The following UPP2 variants were observed in gnomAD, a reference collection of about 807,000 sequenced individuals.
UPP2 encodes UPase 2.
UPP2 carries 23 observed loss-of-function variants against 26.7 expected under a neutral mutation model. That is an observed-to-expected ratio of 0.86 (90% CI 0.62 to 1.22). UPP2 has a LOEUF of 1.22. UPP2 is among the 50% of genes most tolerant of loss of function. UPP2 has a pLI of 0.00. For synonymous variants in UPP2, 127 were observed against 141.3 expected (o/e 0.90, Z 0.72); for missense variants, 387 against 396.7 (o/e 0.98, Z 0.21).
At chr2:158,013,590 C>A (rs1683613185) in intron 2 of UPP2, among the ~76,000 whole-genome samples, 2 of 152,144 alleles carry the variant, frequency 1.3e-5, no homozygotes, top group Non-Finnish European at 2.9e-5. Flanking sequence ...GGTTGGGAAG[C>A]CAGCAGTGTA....
rs10209457 is a variant in UPP2, at chr2:158,032,716, T to C, written c.147+16830T>C. Among the ~76,000 whole-genome samples, 663 of 152,276 alleles carry C rather than the reference T, an allele frequency of 4.4e-3. 8 individuals are homozygous for C. The highest frequency in any genetic ancestry group is 0.015 in the African/African-American group (628 of 41,540). ...TGGGACAGAGGAGGATTTGTGAGGA[T>C]ACAGATCATAAAATTAGAGAGCACT... On this transcript the variant is annotated intron_variant, in intron 3 of 9. Coordinates refer to the UPP2 transcript ENST00000605860.
chr2:158,023,832 G>A (rs1683793659), intron 3 of UPP2, among the ~76,000 whole-genome samples: 1 of 152,170 alleles, frequency 6.6e-6, no homozygotes, highest in Non-Finnish European at 1.5e-5. Flanking sequence ...CTGTGGTGGA[G>A]CCTCCTATGT....
At chr2:158,071,161 G>A (rs1294649464) in intron 3 of UPP2, among the ~76,000 whole-genome samples, 1 of 152,158 alleles carries the variant, frequency 6.6e-6, no homozygotes, top group Non-Finnish European at 1.5e-5. Context: ...AGAGCCAGTG[G>A]ACTAGGGCGG....
At chr2:158,100,791 G>A (rs1016004931), upstream of UPP2, among the ~76,000 whole-genome samples, 1 of 152,180 alleles carries the variant, frequency 6.6e-6, no homozygotes, top group African/African-American at 2.4e-5. Flanking sequence ...CTAGTTGGTG[G>A]TAACAGTGGC....
chr2:158,027,392 A>G (rs1479095111), intron 3 of UPP2, among the ~76,000 whole-genome samples: 1 of 152,190 alleles, frequency 6.6e-6, no homozygotes, highest in East Asian at 1.9e-4. Flanking sequence ...CGGGGCAGTC[A>G]AATTTTAAAG....
Position 158,082,849 on chromosome 2 carries a change from A to C in UPP2, c.148-19191A>C, listed in dbSNP as rs192688079. ...AATATCCAGAATCTACAAGGAACTT[A>C]AACAAATTTACAGGGAAAAAACAAC... is the stretch of plus-strand genomic sequence containing the variant. On this transcript the variant is annotated intron_variant, in intron 3 of 9. Transcript: ENST00000605860. Among the ~76,000 whole-genome samples the C allele has an allele frequency of 5.9e-5, 9 of 152,352 alleles. No individual in the cohort carries two copies. In the East Asian group the frequency reaches 1.7e-3, roughly 29 times the overall value.
chr2:158,122,024 T>C (rs547157666), intron 5 of UPP2, among the ~76,000 whole-genome samples: 1 of 152,046 alleles, frequency 6.6e-6, no homozygotes, highest in African/African-American at 2.4e-5. Context: ...GGAGAAATGC[T>C]TGGGGAGGGG....
intron 3 of UPP2, among the ~76,000 whole-genome samples, chr2:158,030,812 G>C (rs1558908682): frequency 6.6e-6 from 1 of 152,180 alleles, no homozygotes; most frequent in Non-Finnish European, 1.5e-5. Context: ...ACCTAACCTA[G>C]TTTGCTATTA....
intron 3 of UPP2, among the ~76,000 whole-genome samples, chr2:158,027,080 C>T (rs1683845077): frequency 6.6e-6 from 1 of 152,100 alleles, no homozygotes; most frequent in South Asian, 2.1e-4. Flanking sequence ...ACAGCCAAAC[C>T]TTTATCATTC....
At chr2:158,054,387 T>G (rs1265628049) in intron 3 of UPP2, among the ~76,000 whole-genome samples, 3 of 137,958 alleles carry the variant, frequency 2.2e-5, no homozygotes, top group African/African-American at 9.1e-5. Flanking sequence ...ATTTTGAGGT[T>G]TTTTTTTTTT....
intron 3 of UPP2, among the ~76,000 whole-genome samples, chr2:158,061,351 A>C (rs1346616958): frequency 6.6e-6 from 1 of 152,180 alleles, no homozygotes; most frequent in East Asian, 1.9e-4. Flanking sequence ...GTATATCTTC[A>C]GTCACAAGGA....
rs1683812056 is a variant in UPP2, at chr2:158,025,021, G to A, written c.147+9135G>A. On this transcript the variant is annotated intron_variant, in intron 3 of 9. Coordinates refer to the UPP2 transcript ENST00000605860. ...GTTCAAGACCAGCCTGGACAACATGGTGAAACCCCGTCTCTACAAAAATAT... is the reference window on the plus strand; with the variant it reads ...GTTCAAGACCAGCCTGGACAACATGATGAAACCCCGTCTCTACAAAAATAT... Among the ~76,000 whole-genome samples the A allele has an allele frequency of 2.6e-5, 4 of 151,974 alleles. No homozygotes were observed. In the South Asian group the frequency reaches 8.3e-4, roughly 32 times the overall value.
intron 3 of UPP2, chr2:158,016,020 T>C (rs1683652675): frequency 3.8e-6 from 1 of 264,396 alleles, no homozygotes. Context: ...TTTTTAATTT[T>C]TTGGAGAACC....
intron 3 of UPP2, among the ~76,000 whole-genome samples, chr2:158,078,208 A>G (rs966991821): frequency 6.6e-6 from 1 of 152,154 alleles, no homozygotes; most frequent in Admixed American, 6.6e-5. Flanking sequence ...TACGACCACT[A>G]TGGAGAAGTT....
At chr2:158,111,730 A>G (rs1200094013) in intron 2 of UPP2, among the ~76,000 whole-genome samples, 1 of 152,032 alleles carries the variant, frequency 6.6e-6, no homozygotes, top group Non-Finnish European at 1.5e-5. Flanking sequence ...TATTTTGACT[A>G]TATCTCTTTG....
chr2:158,103,068 T>C (rs1323453747), intron 1 of UPP2, among the ~76,000 whole-genome samples: 1 of 152,186 alleles, frequency 6.6e-6, no homozygotes, highest in Non-Finnish European at 1.5e-5. Flanking sequence ...TAAACCTATT[T>C]AGTAAAAATT....
chr2:158,129,720 A>G (rs534396845), intron 6 of UPP2, among the ~76,000 whole-genome samples: 2 of 152,010 alleles, frequency 1.3e-5, no homozygotes, highest in South Asian at 4.2e-4. Flanking sequence ...AGGTAAAAAA[A>G]AAAATAGGAG....
At chr2:158,044,286 G>A (rs1445254387) in intron 3 of UPP2, among the ~76,000 whole-genome samples, 2 of 152,146 alleles carry the variant, frequency 1.3e-5, no homozygotes, top group Non-Finnish European at 2.9e-5. Flanking sequence ...CTAGAGTACA[G>A]GCAAGTTGAC....
chr2:158,077,955 T>A (rs1682656544), intron 3 of UPP2, among the ~76,000 whole-genome samples: 1 of 151,856 alleles, frequency 6.6e-6, no homozygotes, highest in African/African-American at 2.4e-5. Context: ...AGTATTCCAA[T>A]GAAAACATGG....
Sources: gnomAD v4.1 joint callset for allele counts (sites outside exome capture counted in the v4.1 genomes callset) on GRCh38, gnomAD v4.1.1 for gene constraint, MANE v1.5 for transcripts, NCBI Gene and HGNC (gene_info 2026-07-23, HGNC 2026-07-21) for gene names.